Variants in RRBP1 observed in about 807,000 individuals in gnomAD.
RRBP1 encodes the protein ribosome binding protein 1.
In RRBP1, 94 loss-of-function variants were observed where a neutral mutation model predicts 165.2. The ratio of observed to expected loss-of-function variants is 0.57; its 90% CI spans 0.48 to 0.68. The LOEUF (loss-of-function observed/expected upper bound fraction) is 0.68. Among genes scored for constraint, RRBP1 ranks in the 30% least tolerant of loss-of-function variants. The probability of loss-of-function intolerance (pLI) is 0.00; values close to 1 mark genes in which losing one functional copy is unlikely to be tolerated. For missense variants in RRBP1, 1,676 were observed against 1,763.0 expected (o/e 0.95, Z 0.88); for synonymous variants, 680 against 714.5 (o/e 0.95, Z 0.77).
At chr20:17,661,310 T>G (rs745794086) in intron 2 of RRBP1, among the ~76,000 whole-genome samples, 2 of 152,242 alleles carry the variant, frequency 1.3e-5, no homozygotes, top group Non-Finnish European at 2.9e-5. Flanking sequence ...TGAGGAGTTA[T>G]GGAGCCTGCA....
chr20:17,651,172 C>A (rs1323433455), intron 3 of RRBP1, among the ~76,000 whole-genome samples: 1 of 152,174 alleles, frequency 6.6e-6, no homozygotes, highest in Non-Finnish European at 1.5e-5. Flanking sequence ...CCTTATCCCA[C>A]GTCTGGGTTT....
intron 8 of RRBP1, among the ~76,000 whole-genome samples, chr20:17,631,688 A>G (rs2036153404): frequency 6.6e-6 from 1 of 152,240 alleles, no homozygotes; most frequent in African/African-American, 2.4e-5. Flanking sequence ...ACTTTCTTCC[A>G]AGCAGGCCCC....
In RRBP1 at chr20:17,661,904, G is replaced by A. The variant is rs73262666; in HGVS notation, c.-21-1376C>T. On this transcript the variant is annotated intron_variant, in intron 2 of 24. Coordinates refer to ENST00000377813, the MANE Select transcript of RRBP1 (RefSeq NM_001365613.2). ...GAATCAAATCCAAATTTTGACATGA[G>A]GGCATTTTAAAGAAGGGACTGAGAA... Among the ~76,000 whole-genome samples the A allele has an allele frequency of 3.0e-3, 463 of 152,282 alleles. 2 individuals are homozygous for A. Among genetic ancestry groups the A allele is most frequent in the African/African-American group, 0.011 (446 of 41,568 alleles).
chr20:17,621,883 A>G lies in RRBP1; in HGVS notation c.3212T>C (p.Leu1071Pro). The G allele has an allele frequency of 6.2e-7, 1 of 1,613,740 alleles. No homozygotes were observed. The highest frequency in any genetic ancestry group is 8.5e-7 in the Non-Finnish European group (1 of 1,179,970). Residue 1071 changes from leucine to proline, a missense_variant, in exon 14 of 25, where the codon CTC becomes CCC. Leu to Pro is a moderately conservative substitution (Grantham distance 98). Transcript: ENST00000377813. The part of the protein sequence containing the change: ...AQTMEALLAL[L>P]PELSVLAQQN... The stretch of plus-strand genomic sequence containing the variant: ...TTGTGCCAAGACAGAGAGTTCTGGG[A>G]GCAGAGCCAGCAGGGCCTCCATGGT...
In RRBP1 at chr20:17,658,670, G is replaced by A; in HGVS notation, c.1838C>T (p.Ala613Val). 2 of 1,614,168 alleles carry A rather than the reference G, an allele frequency of 1.2e-6. No individual in the cohort carries two copies. Among genetic ancestry groups the A allele is most frequent in the South Asian group, 2.2e-5 (2 of 91,090 alleles). ...ASVQGRNTDV[A>V]QSPEAPKQEA... is the part of the protein sequence containing the mutation. Reference sequence around the variant, plus strand: ...TTGCTTTGGTGCCTCTGGGCTCTGGGCCACATCTGTATTTCTGCCCTGGAC... The same window carrying A: ...TTGCTTTGGTGCCTCTGGGCTCTGGACCACATCTGTATTTCTGCCCTGGAC... Residue 613 changes from alanine (A) to valine (V), a missense_variant, in exon 3 of 25, where the codon GCC becomes GTC. Physicochemically the swap from Ala to Val is moderately conservative, Grantham distance 64 (BLOSUM62 0). Transcript: ENST00000377813.
intron 9 of RRBP1, among the ~76,000 whole-genome samples, 160 bp downstream of exon 9, chr20:17,629,663 T>A (rs938053366): frequency 4.6e-5 from 7 of 151,822 alleles, no homozygotes; most frequent in Middle Eastern, 3.2e-3. Context: ...CTGGGCATAA[T>A]CCCCTGCTCT....
At position 17,642,988 on chromosome 20, in the gene RRBP1, G is replaced by A; in HGVS notation, c.2052C>T (p.Thr684=). 1 of 1,613,830 alleles carries A rather than the reference G, an allele frequency of 6.2e-7. No individual in the cohort carries two copies. Among genetic ancestry groups the A allele is most frequent in the Admixed American group, 1.7e-5 (1 of 60,012 alleles). Residue 684 remains threonine, a synonymous_variant, in exon 4 of 25, where the codon ACC becomes ACT. Coordinates refer to ENST00000377813, the MANE Select transcript of RRBP1 (RefSeq NM_001365613.2). ...LSEKAGIIQD[T]WHKATQKGDP... Reference sequence around the variant, plus strand: ...AGGAGGGTGGGCCCACCTTGTGCCAGGTGTCCTGAATGATGCCAGCCTTCT... The same window carrying A: ...AGGAGGGTGGGCCCACCTTGTGCCAAGTGTCCTGAATGATGCCAGCCTTCT...
intron 2 of RRBP1, among the ~76,000 whole-genome samples, chr20:17,667,659 C>T (rs1485237984): frequency 1.3e-5 from 2 of 152,200 alleles, no homozygotes; most frequent in African/African-American, 4.8e-5. Context: ...ATGACATGAG[C>T]CCCCATCACA....
rs569215446 is a variant in RRBP1 at position 17,638,962 on chromosome 20, C to T, written c.2185-2233G>A. 2.5e-4 allele frequency among the ~76,000 whole-genome samples: 38 copies of T among 152,268 alleles called. 1 individual carries two copies. The highest frequency in any genetic ancestry group is 6.8e-3 in the Middle Eastern group (2 of 294). On this transcript the variant is annotated intron_variant, in intron 5 of 24. Coordinates refer to ENST00000377813, the MANE Select transcript of RRBP1 (RefSeq NM_001365613.2). Reference sequence around the variant, plus strand: ...TCCCGTGACCCCATCCCCAGGTAAACCCTCTGAGGGTCCCAGAGGGCCTTG... The same window carrying T: ...TCCCGTGACCCCATCCCCAGGTAAATCCTCTGAGGGTCCCAGAGGGCCTTG...
chr20:17,670,971 T>C (rs897176693), intron 2 of RRBP1, among the ~76,000 whole-genome samples: 1 of 152,260 alleles, frequency 6.6e-6, no homozygotes, highest in Non-Finnish European at 1.5e-5. Flanking sequence ...CTACTCTTCC[T>C]GAATCTTAAT....
intron 9 of RRBP1, 116 bp downstream of exon 9, chr20:17,629,707 C>T: frequency 9.1e-7 from 1 of 1,097,212 alleles, no homozygotes. Context: ...GGGATCCGTG[C>T]TGCCCTCACC....
At chr20:17,667,205 A>C (rs890039236) in intron 2 of RRBP1, among the ~76,000 whole-genome samples, 1 of 152,078 alleles carries the variant, frequency 6.6e-6, no homozygotes, top group African/African-American at 2.4e-5. Flanking sequence ...TAGATCTGGA[A>C]GAACTTGCCC....
intron 2 of RRBP1, among the ~76,000 whole-genome samples, chr20:17,662,262 C>CA (rs951336094): frequency 1.2e-4 from 14 of 117,948 alleles, no homozygotes; most frequent in African/African-American, 2.9e-4. Context: ...GACTCCGTCT[C>CA]AAAAAAAAAA....
At chr20:17,649,541 C>T (rs762410568) in intron 3 of RRBP1, among the ~76,000 whole-genome samples, 1 of 120,864 alleles carries the variant, frequency 8.3e-6, no homozygotes, top group African/African-American at 3.2e-5. Flanking sequence ...TGCTAAGCAG[C>T]GCTGGGTTTG....
intron 2 of RRBP1, among the ~76,000 whole-genome samples, chr20:17,677,758 G>C (rs906624814): frequency 2.6e-5 from 4 of 152,118 alleles, no homozygotes; most frequent in African/African-American, 9.7e-5. Context: ...AGAATCACTT[G>C]AACCCGGGAG....
At position 17,616,765 on chromosome 20, in the gene RRBP1, T is replaced by C; in HGVS notation, c.3834A>G (p.Pro1278=). 1 of 1,612,580 alleles carries C rather than the reference T, an allele frequency of 6.2e-7. No individual in the cohort carries two copies. The highest frequency in any genetic ancestry group is 1.1e-5 in the South Asian group (1 of 90,974). Reference sequence around the variant, plus strand: ...GGTCCTGCTCGGCTGGGGGCGCCTCTGGGGAGGAAGCTGGGGCCCCAGCTA... The same window carrying C: ...GGTCCTGCTCGGCTGGGGGCGCCTCCGGGGAGGAAGCTGGGGCCCCAGCTA... ...GDIAGAPASS[P]EAPPAEQDPV... The change falls in exon 21 of 25, where the codon CCA becomes CCG. Residue 1278 remains proline (P), a synonymous_variant. Transcript: ENST00000377813.
chr20:17,661,283 T>C (rs6080765), intron 2 of RRBP1, among the ~76,000 whole-genome samples: 44,578 of 152,174 alleles, frequency 0.29, 8,017 homozygotes, highest in Middle Eastern at 0.44. Flanking sequence ...AAATAGCCTT[T>C]TGCCAGCAAT....
chr20:17,629,896 G>T lies in RRBP1; in HGVS notation c.2676C>A (p.Cys892Ter). ...KRLDEVSREL[C>*]HTQSSHASLR... ...GGCTGGCGTGGCTGCTCTGCGTGTG[G>T]CACAGCTCCCGGCTGACCTCGTCCA... is the stretch of plus-strand genomic sequence containing the variant. Residue 892 changes from cysteine to a stop codon, truncating the protein, a stop_gained, in exon 9 of 25, where the codon TGC (cysteine) becomes TGA (stop). Transcript: ENST00000377813. LOFTEE classifies it high-confidence loss of function. The T allele has an allele frequency of 6.2e-7, 1 of 1,600,366 alleles. No homozygotes were observed.
intron 3 of RRBP1, among the ~76,000 whole-genome samples, chr20:17,651,380 T>C (rs537122865): frequency 1.1e-3 from 166 of 152,362 alleles, no homozygotes; most frequent in African/African-American, 3.9e-3. Context: ...GACAATTACT[T>C]ATCTAGGACT....
Sources: allele counts gnomAD v4.1 joint callset (sites outside exome capture counted in the v4.1 genomes callset), GRCh38; gene constraint gnomAD v4.1.1; transcripts MANE v1.5; gene names NCBI Gene and HGNC (gene_info 2026-07-23, HGNC 2026-07-21).